CSMD1: variants seen among roughly 807,000 people sequenced by gnomAD.
CSMD1 encodes the protein CUB and Sushi multiple domains 1, also known as CUB and sushi domain-containing protein 1.
A neutral mutation model predicts 417.5 loss-of-function variants in CSMD1; 213 were observed. The ratio of observed to expected loss-of-function variants is 0.51; its 90% CI spans 0.46 to 0.57. The LOEUF is 0.57. CSMD1 is among the 20% of genes least tolerant of loss of function. The pLI is 0.00. For synonymous variants in CSMD1, 2,862 were observed against 1,736.8 expected (o/e 1.65, Z -16.11); for missense variants, 6,923 against 4,529.7 (o/e 1.53, Z -15.17).
intron 5 of CSMD1, among the ~76,000 whole-genome samples, chr8:3,785,177 T>C (rs967126633): frequency 6.6e-6 from 1 of 152,218 alleles, no homozygotes; most frequent in Non-Finnish European, 1.5e-5. Flanking sequence ...GTCTGCATGA[T>C]GGAGATGATG....
At chr8:4,642,063 G>T (rs770198074) in intron 1 of CSMD1, among the ~76,000 whole-genome samples, 1 of 152,184 alleles carries the variant, frequency 6.6e-6, no homozygotes, top group Non-Finnish European at 1.5e-5. Flanking sequence ...GACCTACGAA[G>T]TGCCTTGCTT....
At chr8:4,742,124 G>A (rs897714859) in intron 1 of CSMD1, among the ~76,000 whole-genome samples, 6 of 140,354 alleles carry the variant, frequency 4.3e-5, no homozygotes, top group Admixed American at 1.6e-4. Context: ...TCCGCTTCCC[G>A]GGTTCACGCC....
chr8:3,313,343 A>C lies in CSMD1; in HGVS notation c.3632-4840T>G, dbSNP rs140381190. Among the ~76,000 whole-genome samples, 263 of 152,196 alleles carry C rather than the reference A, an allele frequency of 1.7e-3. 1 individual carries two copies. Among genetic ancestry groups the C allele is most frequent in the Non-Finnish European group, 3.0e-3 (203 of 67,992 alleles). On this transcript the variant is annotated intron_variant, in intron 23 of 69. Transcript: ENST00000635120. ...CAGAGTGAACAGGCAACATACAGAA[A>C]GGGAGAAAATTTTTGCAATCTACTC...
At chr8:4,313,092 G>C (rs1798721542) in intron 3 of CSMD1, among the ~76,000 whole-genome samples, 2 of 152,256 alleles carry the variant, frequency 1.3e-5, no homozygotes, top group South Asian at 4.1e-4. Flanking sequence ...AGCTAATATA[G>C]AAACACAACA....
chr8:4,354,885 T>TGTGTGA (rs1239168065), intron 3 of CSMD1, among the ~76,000 whole-genome samples: 3 of 149,398 alleles, frequency 2.0e-5, no homozygotes, highest in African/African-American at 7.5e-5. Context: ...TGTGTGTGTG[T>TGTGTGA]GTGTGTGTGT....
In CSMD1 at chr8:3,407,993, C is replaced by G; in HGVS notation, c.1977G>C (p.Val659=). 1 of 1,613,854 alleles carries G rather than the reference C, an allele frequency of 6.2e-7. No individual in the cohort carries two copies. Among genetic ancestry groups the G allele is most frequent in the South Asian group, 1.1e-5 (1 of 91,066 alleles). Residue 659 remains valine, a synonymous_variant, in exon 14 of 70, where the codon GTG becomes GTC. Coordinates refer to ENST00000635120, the MANE Select transcript of CSMD1 (RefSeq NM_033225.6). Reference sequence around the variant, plus strand: ...GCCCACTGCTGGCCAGCTGGGAAGGCACTTCATTGCCAGAAAAAGTACCCA... The same window carrying G: ...GCCCACTGCTGGCCAGCTGGGAAGGGACTTCATTGCCAGAAAAAGTACCCA... ...TVLGTFSGNE[V]PSQLASSGHI... is the part of the protein sequence containing the mutation.
At chr8:3,322,496 C>T (rs1806214090) in intron 23 of CSMD1, among the ~76,000 whole-genome samples, 1 of 152,176 alleles carries the variant, frequency 6.6e-6, no homozygotes, top group Non-Finnish European at 1.5e-5. Flanking sequence ...CTTAAGGGTT[C>T]TGGAAGTTTC....
At position 4,854,882 on chromosome 8, in the gene CSMD1, C is replaced by A. The variant is rs529308498; in HGVS notation, c.85+139450G>T. ...AGGCTTGCTTAGGTAAACAAAGCAG[C>A]CAGGAAGCTCGAACTGGGTGGAGCC... On this transcript the variant is annotated intron_variant, in intron 1 of 69. Transcript: ENST00000635120. Among the ~76,000 whole-genome samples the A allele has an allele frequency of 3.9e-5, 6 of 152,318 alleles. No individual in the cohort carries two copies. In the East Asian group the frequency reaches 9.7e-4, roughly 25 times the overall value.
At chr8:4,807,561 G>C (rs1798662253) in intron 1 of CSMD1, among the ~76,000 whole-genome samples, 1 of 152,118 alleles carries the variant, frequency 6.6e-6, no homozygotes, top group African/African-American at 2.4e-5. Context: ...TGTTCCGTGG[G>C]CCTGAGCTTT....
chr8:3,487,416 T>A (rs894769786), intron 11 of CSMD1, among the ~76,000 whole-genome samples: 1 of 152,122 alleles, frequency 6.6e-6, no homozygotes, highest in Non-Finnish European at 1.5e-5. Context: ...TTAGCCAGGA[T>A]GGTCTCGTTC....
intron 47 of CSMD1, among the ~76,000 whole-genome samples, chr8:3,096,008 T>C (rs1815268589): frequency 1.3e-5 from 2 of 152,178 alleles, no homozygotes; most frequent in South Asian, 4.1e-4. Context: ...CTGTGAGCCA[T>C]GATTTTTACA....
At chr8:4,918,126 C>G (rs1275067229) in intron 1 of CSMD1, among the ~76,000 whole-genome samples, 1 of 152,110 alleles carries the variant, frequency 6.6e-6, no homozygotes, top group African/African-American at 2.4e-5. Flanking sequence ...TACAAAACTG[C>G]CCCCTGAAAA....
intron 5 of CSMD1, among the ~76,000 whole-genome samples, chr8:3,896,094 T>C (rs1198083866): frequency 1.3e-5 from 2 of 152,178 alleles, no homozygotes; most frequent in South Asian, 2.1e-4. Context: ...CCTCTGATGG[T>C]AACTTCCTGA....
intron 5 of CSMD1, among the ~76,000 whole-genome samples, chr8:3,976,780 C>G (rs1350926330): frequency 2.0e-5 from 3 of 152,178 alleles, no homozygotes; most frequent in Non-Finnish European, 2.9e-5. Flanking sequence ...ATTCTTCAGG[C>G]TGAATGCTGC....
intron 39 of CSMD1, among the ~76,000 whole-genome samples, chr8:3,153,470 G>A (rs186623293): frequency 1.3e-4 from 20 of 152,218 alleles, no homozygotes; most frequent in Admixed American, 1.2e-3. Flanking sequence ...CCCTCTCCTG[G>A]GGTGTGGATC....
chr8:4,564,010 G>A (rs1440068403), intron 2 of CSMD1, among the ~76,000 whole-genome samples: 3 of 152,134 alleles, frequency 2.0e-5, no homozygotes, highest in East Asian at 1.9e-4. Context: ...GAGGAGTTAC[G>A]CCCATGGAGT....
At chr8:4,748,939 C>G (rs1296590949) in intron 1 of CSMD1, among the ~76,000 whole-genome samples, 1 of 152,210 alleles carries the variant, frequency 6.6e-6, no homozygotes, top group Non-Finnish European at 1.5e-5. Flanking sequence ...AGTAATTCTG[C>G]TTCCTTAACT....
intron 12 of CSMD1, among the ~76,000 whole-genome samples, chr8:3,436,377 C>T (rs1261709762): frequency 3.3e-5 from 5 of 152,146 alleles, no homozygotes; most frequent in Non-Finnish European, 5.9e-5. Context: ...ATTTTCACTG[C>T]AAAACTGTCT....
intron 4 of CSMD1, among the ~76,000 whole-genome samples, chr8:4,001,402 G>A (rs1001299450): frequency 2.0e-5 from 3 of 152,180 alleles, no homozygotes; most frequent in East Asian, 3.9e-4. Context: ...ATGACCTGCA[G>A]AAGGTGTCTA....
Sources: allele counts gnomAD v4.1 joint callset (sites outside exome capture counted in the v4.1 genomes callset), GRCh38; gene constraint gnomAD v4.1.1; transcripts MANE v1.5; gene names NCBI Gene and HGNC (gene_info 2026-07-23, HGNC 2026-07-21).